Variants in KCNK2 observed in about 807,000 individuals in gnomAD.
KCNK2 encodes the protein potassium channel subfamily K member 2.
A neutral mutation model predicts 40.5 loss-of-function variants in KCNK2; 21 were observed. That is an observed-to-expected ratio of 0.52 (90% CI 0.37 to 0.75). The LOEUF (loss-of-function observed/expected upper bound fraction) is 0.75, where lower values mean the gene tolerates loss of function less well. KCNK2 is among the 30% of genes least tolerant of loss of function. KCNK2 has a pLI of 0.00. For missense variants in KCNK2, 399 were observed against 531.6 expected, an observed-to-expected ratio of 0.75 and a Z score of 2.45; for synonymous variants, 191 against 202.2, an observed-to-expected ratio of 0.94 and a Z score of 0.47.
intron 4 of KCNK2, among the ~76,000 whole-genome samples, chr1:215,169,817 G>A (rs1469000937): frequency 1.3e-5 from 2 of 151,658 alleles, no homozygotes; most frequent in African/African-American, 2.4e-5. Flanking sequence ...GGCTAATTTT[G>A]TATTTTTTAG....
chr1:215,135,558 CT>C (rs1661868861), intron 3 of KCNK2, among the ~76,000 whole-genome samples: 1 of 151,302 alleles, frequency 6.6e-6, no homozygotes, highest in South Asian at 2.1e-4. Context: ...ATTCATACCC[CT>C]AATTTTTATA....
At chr1:215,034,435 A>G (rs548929230) in intron 1 of KCNK2, among the ~76,000 whole-genome samples, 22 of 151,982 alleles carry the variant, frequency 1.4e-4, no homozygotes, top group African/African-American at 5.1e-4. Context: ...CTCTTGGTTC[A>G]ATAGTAAGAA....
chr1:215,134,670 G>A (rs188488597), intron 3 of KCNK2, among the ~76,000 whole-genome samples: 56 of 152,046 alleles, frequency 3.7e-4, no homozygotes, highest in Admixed American at 3.2e-3. Context: ...TTTTTTTCTG[G>A]TGACCAGCCG....
At chr1:215,122,993 C>G (rs776939369) in intron 2 of KCNK2, among the ~76,000 whole-genome samples, 2 of 151,946 alleles carry the variant, frequency 1.3e-5, no homozygotes, top group Non-Finnish European at 2.9e-5. Context: ...ATCCACCCGC[C>G]TCGGCCTTCC....
intron 5 of KCNK2, among the ~76,000 whole-genome samples, chr1:215,185,984 G>T (rs941233468): frequency 3.3e-5 from 5 of 152,178 alleles, no homozygotes; most frequent in Non-Finnish European, 7.4e-5. Context: ...GATTGTAATA[G>T]ATCTGTATTT....
intron 3 of KCNK2, among the ~76,000 whole-genome samples, chr1:215,137,652 T>C (rs574378377): frequency 3.4e-4 from 52 of 152,350 alleles, no homozygotes; most frequent in African/African-American, 1.2e-3. Context: ...TTCCGAGTTA[T>C]TTACTTCCTT....
At chr1:215,007,459 A>G (rs1222588795) in intron 1 of KCNK2, among the ~76,000 whole-genome samples, 1 of 151,886 alleles carries the variant, frequency 6.6e-6, no homozygotes, top group Non-Finnish European at 1.5e-5. Flanking sequence ...TCTTGGAGTC[A>G]AATTTCTAGA....
intron 2 of KCNK2, among the ~76,000 whole-genome samples, chr1:215,111,445 AT>A (rs1036107616): frequency 3.3e-5 from 5 of 151,840 alleles, no homozygotes; most frequent in Non-Finnish European, 5.9e-5. Flanking sequence ...CTTTTAAATT[AT>A]TTTTTTCCTT....
intron 5 of KCNK2, among the ~76,000 whole-genome samples, chr1:215,180,493 T>C (rs1571701758): frequency 6.6e-6 from 1 of 152,196 alleles, no homozygotes; most frequent in East Asian, 1.9e-4. Context: ...TGGTAGCAGG[T>C]ATCATTTCTT....
At chr1:215,128,519 G>C (rs923726733) in intron 3 of KCNK2, among the ~76,000 whole-genome samples, 2 of 152,120 alleles carry the variant, frequency 1.3e-5, no homozygotes, top group Non-Finnish European at 2.9e-5. Context: ...ACAAAAATAA[G>C]TCTTGGATAA....
At chr1:215,010,823 G>A (rs1286999692) in intron 1 of KCNK2, among the ~76,000 whole-genome samples, 4 of 148,900 alleles carry the variant, frequency 2.7e-5, no homozygotes, top group African/African-American at 9.9e-5. Context: ...ACTCCCTCAG[G>A]GTAGGATTGT....
intron 2 of KCNK2, among the ~76,000 whole-genome samples, chr1:215,100,208 CCA>C (rs1660149980): frequency 6.6e-6 from 1 of 151,900 alleles, no homozygotes; most frequent in Admixed American, 6.6e-5. Flanking sequence ...AGTCACTACA[CCA>C]TGGGTCTATG....
In KCNK2 at chr1:215,172,140, G is replaced by A; in HGVS notation, c.780G>A (p.Val260=). The A allele has an allele frequency of 6.2e-7, 1 of 1,613,132 alleles. No homozygotes were observed. Residue 260 remains valine, a synonymous_variant, in exon 5 of 7, where the codon GTG becomes GTA. Transcript: ENST00000444842. The part of the protein sequence containing the change: ...GWSALDAIYF[V]VITLTTIGFG... ...GTGCCCTGGACGCCATTTATTTTGT[G>A]GTTATCACTCTAACAACTATTGGAT... is the stretch of plus-strand genomic sequence containing the variant.
chr1:215,190,727 T>G (rs2102659449), intron 5 of KCNK2, among the ~76,000 whole-genome samples: 1 of 152,238 alleles, frequency 6.6e-6, no homozygotes, highest in South Asian at 2.1e-4. Flanking sequence ...TGTGACTTAG[T>G]TCTATGGCCG....
rs143395042 is a variant in KCNK2, at chr1:215,197,834, T to C, written c.963+2742T>C. On this transcript the variant is annotated intron_variant, in intron 6 of 6. Coordinates refer to ENST00000444842, the MANE Select transcript of KCNK2 (RefSeq NM_001017425.3). ...AGCCAACATGGTGAAACTTCATCTCTACTAAAAATACAAAAATTAGCTGGG... is the reference window on the plus strand; with the variant it reads ...AGCCAACATGGTGAAACTTCATCTCCACTAAAAATACAAAAATTAGCTGGG... Among the ~76,000 whole-genome samples, 649 of 152,266 alleles carry C rather than the reference T, an allele frequency of 4.3e-3. 6 individuals are homozygous for C. Among genetic ancestry groups the C allele is most frequent in the African/African-American group, 0.015 (611 of 41,552 alleles).
intron 1 of KCNK2, among the ~76,000 whole-genome samples, chr1:215,008,704 G>T (rs879379707): frequency 6.6e-6 from 1 of 152,080 alleles, no homozygotes; most frequent in Non-Finnish European, 1.5e-5. Context: ...AGAAATTCTA[G>T]CTGTTTAAAG....
At chr1:215,213,471 C>T (rs562094798) in intron 6 of KCNK2, among the ~76,000 whole-genome samples, 2 of 152,010 alleles carry the variant, frequency 1.3e-5, no homozygotes, top group African/African-American at 4.8e-5. Context: ...ATTAGCCAGG[C>T]ACGATGGCGC....
chr1:215,192,216 C>T (rs2102661341), intron 5 of KCNK2, among the ~76,000 whole-genome samples: 1 of 152,170 alleles, frequency 6.6e-6, no homozygotes, highest in East Asian at 1.9e-4. Flanking sequence ...TAGATATCAG[C>T]AAGTGAGTAG....
intron 6 of KCNK2, among the ~76,000 whole-genome samples, chr1:215,229,798 T>C (rs975915985): frequency 2.0e-5 from 3 of 152,018 alleles, no homozygotes; most frequent in Admixed American, 6.6e-5. Context: ...CTTTAGGAAA[T>C]TGAGGCAGTG....
Sources: allele counts gnomAD v4.1 joint callset (sites outside exome capture counted in the v4.1 genomes callset), GRCh38; gene constraint gnomAD v4.1.1; transcripts MANE v1.5; gene names NCBI Gene and HGNC (gene_info 2026-07-23, HGNC 2026-07-21).